Variants in GLI3 observed in about 807,000 individuals in gnomAD.
GLI3 encodes the protein transcription activator GLI3.
Under a neutral mutation model 100.8 loss-of-function variants are expected in GLI3, and 20 were observed. That is an observed-to-expected ratio of 0.20 (90% CI 0.14 to 0.29). The LOEUF is 0.29. GLI3 is among the 10% of genes least tolerant of loss of function. The probability of loss-of-function intolerance (pLI) is 1.00; values close to 1 mark genes in which losing one functional copy is unlikely to be tolerated. For missense variants in GLI3, 2,040 were observed against 2,128.5 expected (o/e 0.96, Z 0.82); for synonymous variants, 938 against 860.5 (o/e 1.09, Z -1.58).
intron 2 of GLI3, among the ~76,000 whole-genome samples, chr7:42,207,974 G>A (rs1256682502): frequency 6.6e-6 from 1 of 152,048 alleles, no homozygotes; most frequent in African/African-American, 2.4e-5. Flanking sequence ...CCTGGCCAAC[G>A]TGGCAAAACC....
chr7:42,093,551 T>A (rs1159219950), intron 3 of GLI3, among the ~76,000 whole-genome samples: 1 of 152,152 alleles, frequency 6.6e-6, no homozygotes, highest in African/African-American at 2.4e-5. Flanking sequence ...TTTTCACACA[T>A]GCTGTGGTTG....
chr7:41,985,423 A>C (rs1787792789), intron 10 of GLI3, among the ~76,000 whole-genome samples: 1 of 152,226 alleles, frequency 6.6e-6, no homozygotes, highest in Non-Finnish European at 1.5e-5. Flanking sequence ...GATGGGATAT[A>C]AAGAAGTAAA....
intron 4 of GLI3, among the ~76,000 whole-genome samples, chr7:42,072,732 T>C (rs955424427): frequency 2.0e-5 from 3 of 152,184 alleles, no homozygotes; most frequent in Non-Finnish European, 4.4e-5. Flanking sequence ...AGGCAGGAAA[T>C]ACAGAGACCA....
intron 4 of GLI3, among the ~76,000 whole-genome samples, chr7:42,062,712 G>GACACACACACAC (rs10523955): frequency 6.7e-6 from 1 of 149,614 alleles, no homozygotes; most frequent in Admixed American, 6.7e-5. Flanking sequence ...CACACACACA[G>GACACACACACAC]ACACACACAC....
At chr7:41,998,050 G>A (rs967040084) in intron 10 of GLI3, among the ~76,000 whole-genome samples, 8 of 152,002 alleles carry the variant, frequency 5.3e-5, no homozygotes, top group African/African-American at 1.7e-4. Flanking sequence ...TTTTGCAAAG[G>A]GCAAGAATTA....
chr7:42,009,101 A>C (rs563388450), intron 10 of GLI3, among the ~76,000 whole-genome samples: 1 of 152,336 alleles, frequency 6.6e-6, no homozygotes, highest in South Asian at 2.1e-4. Context: ...CCATGCCCTT[A>C]TCATCCACCC....
chr7:42,182,644 G>GTATATATATATATA (rs764864618), intron 2 of GLI3, among the ~76,000 whole-genome samples: 3 of 51,668 alleles, frequency 5.8e-5, no homozygotes, highest in African/African-American at 1.3e-4. Flanking sequence ...ATATGTGTGT[G>GTATATATATATATA]TATATATATA....
At chr7:41,981,645 C>G (rs1787671247) in intron 10 of GLI3, among the ~76,000 whole-genome samples, 1 of 152,234 alleles carries the variant, frequency 6.6e-6, no homozygotes, top group Non-Finnish European at 1.5e-5. Flanking sequence ...GGAGGGCAAA[C>G]AGCCTGCCAG....
At chr7:42,179,090 T>C (rs1219999822) in intron 2 of GLI3, among the ~76,000 whole-genome samples, 3 of 152,046 alleles carry the variant, frequency 2.0e-5, no homozygotes, top group Non-Finnish European at 1.5e-5. Flanking sequence ...TGAGAGGGAA[T>C]TGAATCATGG....
intron 2 of GLI3, among the ~76,000 whole-genome samples, chr7:42,150,587 C>T (rs993399709): frequency 1.3e-5 from 2 of 152,086 alleles, no homozygotes; most frequent in Non-Finnish European, 2.9e-5. Flanking sequence ...TAGAAAGGGA[C>T]CTTCATTTGG....
chr7:42,082,085 T>A (rs1040843979), intron 3 of GLI3, among the ~76,000 whole-genome samples: 51 of 151,832 alleles, frequency 3.4e-4, no homozygotes, highest in African/African-American at 1.2e-3. Flanking sequence ...TTAAACAGCA[T>A]CCGCTATGCT....
intron 3 of GLI3, among the ~76,000 whole-genome samples, chr7:42,139,924 C>T (rs930781321): frequency 6.6e-6 from 1 of 152,156 alleles, no homozygotes; most frequent in Non-Finnish European, 1.5e-5. Flanking sequence ...TCTTAGTAAT[C>T]ACCCCAGACT....
chr7:42,176,680 G>A (rs1348582701), intron 2 of GLI3, among the ~76,000 whole-genome samples: 2 of 152,232 alleles, frequency 1.3e-5, no homozygotes, highest in Admixed American at 6.5e-5. Flanking sequence ...AACTCAGTGA[G>A]CATTCCCTCA....
chr7:42,180,173 C>A (rs1172495622), intron 2 of GLI3, among the ~76,000 whole-genome samples: 1 of 152,052 alleles, frequency 6.6e-6, no homozygotes, highest in Non-Finnish European at 1.5e-5. Context: ...ACAGAGAAGG[C>A]CCAGCTATCA....
intron 3 of GLI3, among the ~76,000 whole-genome samples, chr7:42,082,422 C>T (rs1785015266): frequency 6.6e-6 from 1 of 152,126 alleles, no homozygotes; most frequent in Admixed American, 6.5e-5. Context: ...AGCTGATCCG[C>T]CCTCTGAGGA....
At chr7:42,237,254 G>C (rs1344745615), upstream of GLI3, among the ~76,000 whole-genome samples, 1 of 151,096 alleles carries the variant, frequency 6.6e-6, no homozygotes, top group South Asian at 2.1e-4. Context: ...CCTCCCGCTC[G>C]TGCAGCTCCG....
chr7:42,164,881 G>T (rs1199513624), intron 2 of GLI3, among the ~76,000 whole-genome samples: 2 of 145,024 alleles, frequency 1.4e-5, no homozygotes, highest in Non-Finnish European at 3.0e-5. Flanking sequence ...GGGGGTTTTG[G>T]TTTTTTTTTT....
At chr7:42,204,064 C>T (rs531273782) in intron 2 of GLI3, among the ~76,000 whole-genome samples, 5 of 152,146 alleles carry the variant, frequency 3.3e-5, no homozygotes, top group Non-Finnish European at 1.5e-5. Context: ...ACCATTTTTC[C>T]CACTAGGGCC....
chr7:42,039,295 A>G (rs974120003), intron 7 of GLI3, among the ~76,000 whole-genome samples: 3 of 152,216 alleles, frequency 2.0e-5, no homozygotes, highest in Admixed American at 6.5e-5. Context: ...CATTAGCAGT[A>G]AGAAATATTT....
Sources: gnomAD v4.1 joint callset for allele counts (sites outside exome capture counted in the v4.1 genomes callset) on GRCh38, gnomAD v4.1.1 for gene constraint, MANE v1.5 for transcripts, NCBI Gene and HGNC (gene_info 2026-07-23, HGNC 2026-07-21) for gene names.